The following WHRN variants were observed in gnomAD, a reference collection of about 807,000 sequenced individuals.
WHRN encodes whirlin.
WHRN carries 41 observed loss-of-function variants against 68.3 expected under a neutral mutation model. The observed-to-expected ratio is 0.60, with a 90% CI of 0.47 to 0.78. The LOEUF (loss-of-function observed/expected upper bound fraction) is 0.78. Among genes scored for constraint, WHRN ranks in the 30% least tolerant of loss-of-function variants. The pLI, the probability that WHRN is intolerant of heterozygous loss-of-function variation, is 0.00. For missense variants in WHRN, 1,243 were observed against 1,244.7 expected (o/e 1.00, Z 0.02); for synonymous variants, 560 against 561.3 (o/e 1.00, Z 0.03).
In WHRN at chr9:114,424,311, T is replaced by C. The variant is rs371839450; in HGVS notation, c.1416+23A>G. 10 of 1,611,562 alleles carry C rather than the reference T, an allele frequency of 6.2e-6. No homozygotes were observed. In the East Asian group the frequency reaches 1.1e-4, roughly 18 times the overall value. ...AGAGCCCTGGAAATGCTGAAGCCAG[T>C]TGGGAGGCAGGGCACGGGTCACCTT... On this transcript the variant is annotated intron_variant, in intron 6 of 11. Coordinates refer to ENST00000362057, the MANE Select transcript of WHRN (RefSeq NM_015404.4).
chr9:114,461,024 G>T (rs1045320848), intron 3 of WHRN, among the ~76,000 whole-genome samples: 10 of 152,136 alleles, frequency 6.6e-5, no homozygotes, highest in African/African-American at 1.9e-4. Flanking sequence ...ATAAACAGCA[G>T]GAATATAAAA....
intron 7 of WHRN, among the ~76,000 whole-genome samples, chr9:114,410,592 C>T (rs1311271856): frequency 1.3e-5 from 2 of 152,236 alleles, no homozygotes; most frequent in African/African-American, 4.8e-5. Flanking sequence ...CACATATCCC[C>T]ATCTCGACCC....
rs12339210 is a variant in WHRN at position 114,407,961 on chromosome 9, G to T, written c.1684C>A (p.Pro562Thr). Residue 562 changes from proline to threonine, a missense_variant, in exon 8 of 12, where the codon CCA (proline) becomes ACA (threonine). Pro to Thr is a conservative substitution (Grantham distance 38). Transcript: ENST00000362057. ...CAGGGCCTTACCACGGACACATCTG[G>T]GAGGGCGTTGATATTGCCCTGGACA... The part of the protein sequence containing the change: ...EAVQGNINAL[P>T]DVSVDDVRST... The T allele has an allele frequency of 1.9e-6, 3 of 1,601,952 alleles. No homozygotes were observed. Among genetic ancestry groups the T allele is most frequent in the Non-Finnish European group, 2.6e-6 (3 of 1,173,454 alleles).
chr9:114,433,751 T>C (rs148238437), intron 3 of WHRN, among the ~76,000 whole-genome samples: 139 of 152,322 alleles, frequency 9.1e-4, no homozygotes, highest in African/African-American at 3.0e-3. Context: ...GCTCAGGGTA[T>C]GGGCTGGGTC....
intron 3 of WHRN, among the ~76,000 whole-genome samples, chr9:114,429,121 G>T (rs1351801849): frequency 1.3e-5 from 2 of 152,092 alleles, no homozygotes; most frequent in Admixed American, 6.6e-5. Context: ...AGTAGAGGTG[G>T]GGTTTTGCCA....
intron 7 of WHRN, among the ~76,000 whole-genome samples, chr9:114,416,334 T>A (rs1835812952): frequency 6.6e-6 from 1 of 152,214 alleles, no homozygotes; most frequent in Non-Finnish European, 1.5e-5. Flanking sequence ...TCCCCTTTTC[T>A]CTACAATGCT....
intron 1 of WHRN, among the ~76,000 whole-genome samples, chr9:114,481,996 G>A (rs1458915484): frequency 6.6e-6 from 1 of 152,176 alleles, no homozygotes; most frequent in African/African-American, 2.4e-5. Context: ...GGCATCGTGT[G>A]GCACACAGTA....
In WHRN at chr9:114,471,011, CTT is replaced by C. The variant is rs538229605; in HGVS notation, c.838-4621_838-4620del. ...CCTCCCCGCCACCTCCCCATAAATT[CTT>C]TACATCAGAATAAAATGAGTCTTTA... is the stretch of plus-strand genomic sequence containing the variant. On this transcript the variant is annotated intron_variant, in intron 2 of 11. Transcript: ENST00000362057. Among the ~76,000 whole-genome samples the C allele has an allele frequency of 1.2e-3, 188 of 152,206 alleles. 1 individual carries two copies. Among genetic ancestry groups the C allele is most frequent in the Non-Finnish European group, 2.3e-3 (157 of 68,002 alleles).
At chr9:114,444,228 G>A (rs536047958) in intron 3 of WHRN, among the ~76,000 whole-genome samples, 18 of 152,278 alleles carry the variant, frequency 1.2e-4, no homozygotes, top group Middle Eastern at 3.4e-3. Flanking sequence ...TTGCTAAGAA[G>A]CATTTGACAA....
At chr9:114,473,138 C>A (rs183846135) in intron 2 of WHRN, among the ~76,000 whole-genome samples, 1 of 152,328 alleles carries the variant, frequency 6.6e-6, no homozygotes, top group African/African-American at 2.4e-5. Flanking sequence ...CTGCTCACTG[C>A]AGAGTAAGGG....
intron 1 of WHRN, among the ~76,000 whole-genome samples, chr9:114,492,089 G>C (rs1459743457): frequency 1.3e-5 from 2 of 150,586 alleles, no homozygotes; most frequent in African/African-American, 4.9e-5. Context: ...TTGTCTAACA[G>C]ATTGATAAAA....
intron 9 of WHRN, among the ~76,000 whole-genome samples, chr9:114,405,616 C>T (rs540967145): frequency 6.6e-6 from 1 of 152,370 alleles, no homozygotes; most frequent in African/African-American, 2.4e-5. Context: ...TGGGTCTTCT[C>T]ACCACGTCTG....
intron 3 of WHRN, among the ~76,000 whole-genome samples, chr9:114,460,117 C>T (rs1372889190): frequency 6.6e-6 from 1 of 152,226 alleles, no homozygotes; most frequent in African/African-American, 2.4e-5. Context: ...CCAGGAACCA[C>T]ACTGGGCTTG....
intron 1 of WHRN, chr9:114,491,687 A>G: frequency 4.0e-6 from 1 of 251,714 alleles, no homozygotes. Flanking sequence ...AGGGACTTGG[A>G]GATCATGCAG....
chr9:114,414,548 G>A (rs1835676050), intron 7 of WHRN, among the ~76,000 whole-genome samples: 1 of 152,206 alleles, frequency 6.6e-6, no homozygotes, highest in South Asian at 2.1e-4. Context: ...CTCACTCAGA[G>A]GGCAGCTGGG....
chr9:114,424,186 G>T, intron 6 of WHRN, 148 bp downstream of exon 6: 2 of 906,996 alleles, frequency 2.2e-6, no homozygotes, highest in East Asian at 2.5e-5. Flanking sequence ...AGCATCCTGG[G>T]GGCAGGAGGC....
chr9:114,490,851 A>G (rs1395993517), intron 1 of WHRN, among the ~76,000 whole-genome samples: 1 of 152,232 alleles, frequency 6.6e-6, no homozygotes, highest in Admixed American at 6.5e-5. Context: ...CCCCTTTGCA[A>G]AACAACTCAT....
At chr9:114,483,863 C>T (rs1842283040) in intron 1 of WHRN, among the ~76,000 whole-genome samples, 1 of 152,216 alleles carries the variant, frequency 6.6e-6, no homozygotes, top group South Asian at 2.1e-4. Flanking sequence ...TGTATTTGCT[C>T]TCATGGTGGT....
intron 1 of WHRN, among the ~76,000 whole-genome samples, chr9:114,488,528 C>T (rs1388115862): frequency 6.6e-6 from 1 of 152,128 alleles, no homozygotes; most frequent in Non-Finnish European, 1.5e-5. Context: ...GCCAATCCTA[C>T]ACCTTGGCCC....
Sources: allele counts gnomAD v4.1 joint callset (sites outside exome capture counted in the v4.1 genomes callset), GRCh38; gene constraint gnomAD v4.1.1; transcripts MANE v1.5; gene names NCBI Gene and HGNC (gene_info 2026-07-23, HGNC 2026-07-21).